PPM1L: variants seen among roughly 807,000 people sequenced by gnomAD.
PPM1L encodes protein phosphatase 1L.
PPM1L carries 13 observed loss-of-function variants against 31.4 expected under a neutral mutation model. The ratio of observed to expected loss-of-function variants is 0.41; its 90% CI spans 0.27 to 0.66. The LOEUF (loss-of-function observed/expected upper bound fraction) is 0.66. PPM1L is among the 30% of genes least tolerant of loss of function. PPM1L has a pLI of 0.29. For synonymous variants in PPM1L, 184 were observed against 175.4 expected, an observed-to-expected ratio of 1.05 and a Z score of -0.39; for missense variants, 326 against 453.7, an observed-to-expected ratio of 0.72 and a Z score of 2.56.
intron 2 of PPM1L, among the ~76,000 whole-genome samples, chr3:160,983,169 C>T (rs772914789): frequency 6.6e-6 from 1 of 152,118 alleles, no homozygotes; most frequent in Non-Finnish European, 1.5e-5. Context: ...GTAGGCCTTG[C>T]ATTTTAAAAT....
chr3:160,855,825 A>G (rs573235683), intron 1 of PPM1L, among the ~76,000 whole-genome samples: 2 of 152,166 alleles, frequency 1.3e-5, no homozygotes, highest in Non-Finnish European at 2.9e-5. Context: ...AATTTAAAAC[A>G]GAACTCCCAT....
chr3:160,914,301 T>TA lies in PPM1L; in HGVS notation c.400-47434dup, dbSNP rs572274019. 1.2e-4 allele frequency among the ~76,000 whole-genome samples: 18 copies of TA among 152,298 alleles called. No homozygotes were observed. The South Asian group carries it at 3.5e-3, about 30-fold the overall frequency. On this transcript the variant is annotated intron_variant, in intron 1 of 3. Coordinates refer to ENST00000498165, the MANE Select transcript of PPM1L (RefSeq NM_139245.4). ...ATTGAGTTGAAGGAGTTCTTTTTTT[T>TA]ATTATACTTTAAGTTTTAGGGTACA...
In PPM1L at chr3:160,811,016, C is replaced by A. The variant is rs537189684; in HGVS notation, c.399+54309C>A. 4.6e-5 allele frequency among the ~76,000 whole-genome samples: 7 copies of A among 152,312 alleles called. No homozygotes were observed. In the East Asian group the frequency reaches 1.3e-3, roughly 29 times the overall value. ...GGTCAGCTTAAATCTCCCTCAGTTTCTATTCATTATGTTATGGCCCTGTGA... is the reference window on the plus strand; with the variant it reads ...GGTCAGCTTAAATCTCCCTCAGTTTATATTCATTATGTTATGGCCCTGTGA... On this transcript the variant is annotated intron_variant, in intron 1 of 3. Coordinates refer to ENST00000498165, the MANE Select transcript of PPM1L (RefSeq NM_139245.4).
chr3:161,001,922 G>A, intron 2 of PPM1L, among the ~76,000 whole-genome samples: 1 of 151,964 alleles, frequency 6.6e-6, no homozygotes, highest in Non-Finnish European at 1.5e-5. Flanking sequence ...GTGACATGCT[G>A]GTGCGCTGCA....
rs146804221 is a variant in PPM1L, at chr3:160,996,680, G to C, written c.574+34770G>C. On this transcript the variant is annotated intron_variant, in intron 2 of 3. Coordinates refer to ENST00000498165, the MANE Select transcript of PPM1L (RefSeq NM_139245.4). ...GCAAAGGATAAAAGACTACACATTG[G>C]GTACAGTGTACACTGCTCTGGTGAT... Among the ~76,000 whole-genome samples, 91 of 152,064 alleles carry C rather than the reference G, an allele frequency of 6.0e-4. No homozygotes were observed. The East Asian group carries it at 0.015, about 25-fold the overall frequency.
At chr3:160,866,123 C>T (rs1712078275) in intron 1 of PPM1L, among the ~76,000 whole-genome samples, 2 of 152,182 alleles carry the variant, frequency 1.3e-5, no homozygotes, top group African/African-American at 2.4e-5. Flanking sequence ...CCCTGTTAGA[C>T]ATAGGGAGTT....
At chr3:161,015,321 A>G (rs887857084) in intron 2 of PPM1L, among the ~76,000 whole-genome samples, 2 of 152,212 alleles carry the variant, frequency 1.3e-5, no homozygotes, top group African/African-American at 4.8e-5. Context: ...AGTTCTTCAT[A>G]AAACCTCATT....
chr3:160,973,946 G>A (rs1462927104), intron 2 of PPM1L, among the ~76,000 whole-genome samples: 7 of 147,756 alleles, frequency 4.7e-5, no homozygotes, highest in Non-Finnish European at 9.0e-5. Flanking sequence ...ATGTATACAT[G>A]TGCCATGCTG....
intron 2 of PPM1L, among the ~76,000 whole-genome samples, chr3:160,963,055 C>A (rs1334501243): frequency 6.6e-6 from 1 of 151,538 alleles, no homozygotes; most frequent in Non-Finnish European, 1.5e-5. Flanking sequence ...CATTGGAATT[C>A]TTATTCATCT....
intron 2 of PPM1L, chr3:161,022,132 A>G (rs1389722553): frequency 4.9e-6 from 3 of 614,798 alleles, no homozygotes; most frequent in Non-Finnish European, 8.7e-6. Context: ...TTTTAATTCC[A>G]TTTTTTTTTT....
At chr3:160,954,705 G>T (rs544679166) in intron 1 of PPM1L, among the ~76,000 whole-genome samples, 2 of 152,152 alleles carry the variant, frequency 1.3e-5, no homozygotes, top group African/African-American at 4.8e-5. Flanking sequence ...ACATAATTTA[G>T]TACTCTTTTA....
In PPM1L at chr3:161,065,555, A is replaced by G. The variant is rs777833171; in HGVS notation, c.727A>G (p.Lys243Glu). 1.2e-6 allele frequency: 2 copies of G among 1,613,800 alleles called. No individual in the cohort carries two copies. Among genetic ancestry groups the G allele is most frequent in the South Asian group, 1.1e-5 (1 of 91,068 alleles). Residue 243 changes from lysine (K) to glutamate (E), a missense_variant, in exon 3 of 4, where the codon AAG (lysine) becomes GAG (glutamate). Around this residue, in one of 3 missense-constraint regions of PPM1L, gnomAD observed 201 missense variants for 298.2 expected, o/e 0.67. Coordinates refer to ENST00000498165, the MANE Select transcript of PPM1L (RefSeq NM_139245.4). ...CCAGTTGAAGGAAAGAAAGAGGATA[A>G]AGAGAGCAGGTGAGCTTGTGAACAC... ...PYQLKERKRI[K>E]RAGGFISFNG...
chr3:160,948,954 C>T (rs1373462970), intron 1 of PPM1L, among the ~76,000 whole-genome samples: 1 of 152,074 alleles, frequency 6.6e-6, no homozygotes, highest in Non-Finnish European at 1.5e-5. Context: ...GTGTTTTTCA[C>T]CTGTTAGTGA....
rs188439966 is a variant in PPM1L at position 160,942,148 on chromosome 3, A to G, written c.400-19588A>G. Among the ~76,000 whole-genome samples the G allele has an allele frequency of 2.2e-3, 334 of 152,374 alleles. 1 individual carries two copies. Among genetic ancestry groups the G allele is most frequent in the African/African-American group, 7.6e-3 (314 of 41,584 alleles). ...CTTCACCAAAACATGTAGAAGTTTA[A>G]GATTATTACTGCTCATTAATATGGA... is the stretch of plus-strand genomic sequence containing the variant. On this transcript the variant is annotated intron_variant, in intron 1 of 3. Coordinates refer to ENST00000498165, the MANE Select transcript of PPM1L (RefSeq NM_139245.4).
At chr3:160,757,840 C>A (rs185561073) in intron 1 of PPM1L, among the ~76,000 whole-genome samples, 11 of 152,354 alleles carry the variant, frequency 7.2e-5, no homozygotes, top group African/African-American at 2.6e-4. Flanking sequence ...GCCCTCTGAT[C>A]TCTGGGTAGG....
intron 1 of PPM1L, among the ~76,000 whole-genome samples, chr3:160,839,999 A>G (rs1308788354): frequency 6.6e-6 from 1 of 152,204 alleles, no homozygotes; most frequent in Admixed American, 6.5e-5. Context: ...GGATAGCCCC[A>G]TGGAAGTGTT....
At chr3:160,877,595 G>C (rs1232207692) in intron 1 of PPM1L, among the ~76,000 whole-genome samples, 2 of 152,118 alleles carry the variant, frequency 1.3e-5, no homozygotes, top group Non-Finnish European at 2.9e-5. Context: ...TAGGAGCATA[G>C]GTTTAATAGG....
At chr3:160,944,869 TTA>T (rs1715317922) in intron 1 of PPM1L, among the ~76,000 whole-genome samples, 5 of 27,486 alleles carry the variant, frequency 1.8e-4, no homozygotes, top group African/African-American at 4.8e-4. Context: ...ATATATAATG[TTA>T]TATATAACAT....
chr3:160,862,844 G>GT (rs773975747), intron 1 of PPM1L, among the ~76,000 whole-genome samples: 3 of 151,990 alleles, frequency 2.0e-5, no homozygotes, highest in Admixed American at 6.6e-5. Flanking sequence ...ATGATTATCA[G>GT]TTTTTTAAAA....
Sources: gnomAD v4.1 joint callset for allele counts (sites outside exome capture counted in the v4.1 genomes callset) on GRCh38, gnomAD v4.1.1 for gene constraint, gnomAD v4.1.1 regional missense constraint, MANE v1.5 for transcripts, NCBI Gene and HGNC (gene_info 2026-07-23, HGNC 2026-07-21) for gene names.